Variants in GPR137B observed in about 807,000 individuals in gnomAD.
GPR137B encodes the protein integral membrane protein GPR137B.
GPR137B carries 42 observed loss-of-function variants against 42.5 expected under a neutral mutation model. The ratio of observed to expected loss-of-function variants is 0.99; its 90% CI spans 0.77 to 1.28. The LOEUF (loss-of-function observed/expected upper bound fraction) is 1.28, where lower values mean the gene tolerates loss of function less well. Ranked by LOEUF, GPR137B falls within the 50% of genes most tolerant of loss-of-function variation. GPR137B has a pLI of 0.00. For missense variants in GPR137B, 487 were observed against 493.9 expected (o/e 0.99, Z 0.13); for synonymous variants, 218 against 209.7 (o/e 1.04, Z -0.34).
intron 5 of GPR137B, among the ~76,000 whole-genome samples, chr1:236,192,259 G>C (rs1663209303): frequency 6.6e-6 from 1 of 152,094 alleles, no homozygotes; most frequent in Non-Finnish European, 1.5e-5. Context: ...AGTTTGCTGG[G>C]CTCCGTTGGG....
intron 5 of GPR137B, among the ~76,000 whole-genome samples, chr1:236,191,138 T>G: frequency 6.6e-6 from 1 of 152,122 alleles, no homozygotes; most frequent in East Asian, 1.9e-4. Context: ...ATTTGGCTCT[T>G]GATACTTGTG....
chr1:236,181,336 AT>A (rs60201223), intron 4 of GPR137B, among the ~76,000 whole-genome samples: 2,019 of 147,130 alleles, frequency 0.014, 43 homozygotes, highest in African/African-American at 0.043. Context: ...GACAAACAGC[AT>A]TTTTTTTTTT....
At chr1:236,149,310 C>A (rs1661770581) in intron 1 of GPR137B, among the ~76,000 whole-genome samples, 1 of 152,278 alleles carries the variant, frequency 6.6e-6, no homozygotes, top group South Asian at 2.1e-4. Context: ...CCAGCCCCTC[C>A]TTTGCAGATG....
In GPR137B at chr1:236,155,099, T is replaced by G. The variant is rs1661980992; in HGVS notation, c.414+12063T>G. On this transcript the variant is annotated intron_variant, in intron 1 of 6. Coordinates refer to ENST00000366592, the MANE Select transcript of GPR137B (RefSeq NM_003272.4). This position sits in a 1 kb window ranked among gnomAD's most constrained non-coding sequence, Gnocchi z 4.6. The stretch of plus-strand genomic sequence containing the variant: ...GCCAGGGAGGCAGGTCAGAATTATT[T>G]GCCTCCACCTCTGTGCGGAACTGAT... Among the ~76,000 whole-genome samples the G allele has an allele frequency of 2.0e-5, 3 of 152,020 alleles. No homozygotes were observed. The highest frequency in any genetic ancestry group is 6.5e-5 in the Admixed American group (1 of 15,284).
chr1:236,163,849 G>A (rs1373489915), intron 1 of GPR137B, among the ~76,000 whole-genome samples: 1 of 151,848 alleles, frequency 6.6e-6, no homozygotes, highest in Non-Finnish European at 1.5e-5. Flanking sequence ...TACCTCCCAT[G>A]CCTCCACACT....
chr1:236,170,697 C>G (rs368577090), intron 2 of GPR137B, among the ~76,000 whole-genome samples: 1 of 151,980 alleles, frequency 6.6e-6, no homozygotes, highest in African/African-American at 2.4e-5. Context: ...ATATACAGGC[C>G]GGGCACGGTG....
intron 2 of GPR137B, among the ~76,000 whole-genome samples, chr1:236,169,990 A>AG (rs568468120): frequency 1.5e-3 from 221 of 150,254 alleles, no homozygotes; most frequent in African/African-American, 5.2e-3. Flanking sequence ...CAGTAAGCCA[A>AG]GATTGCACCA....
rs922034053 is a variant in GPR137B, at chr1:236,149,655, G to A, written c.414+6619G>A. Reference sequence around the variant, plus strand: ...TAGTCTAGGAGTTGTGAAGAGGGAAGCTTCTAGGCCTTTTGGTGATTGTAA... The same window carrying A: ...TAGTCTAGGAGTTGTGAAGAGGGAAACTTCTAGGCCTTTTGGTGATTGTAA... On this transcript the variant is annotated intron_variant, in intron 1 of 6. Coordinates refer to ENST00000366592, the MANE Select transcript of GPR137B (RefSeq NM_003272.4). Among the ~76,000 whole-genome samples, 2 of 152,238 alleles carry A rather than the reference G, an allele frequency of 1.3e-5. 1 individual carries two copies.
At chr1:236,152,539 T>G (rs1318610951) in intron 1 of GPR137B, among the ~76,000 whole-genome samples, 1 of 151,640 alleles carries the variant, frequency 6.6e-6, no homozygotes, top group Admixed American at 6.6e-5. Context: ...GGGTGGATCA[T>G]CTGAGGTCAG....
Position 236,163,349 on chromosome 1 carries a change from T to C in GPR137B, c.415-5357T>C, listed in dbSNP as rs185094174. ...CAGAAGGGACTTGCCTTATCACAGA[T>C]GAAACTTTGGACTGTGGACTTTTGG... On this transcript the variant is annotated intron_variant, in intron 1 of 6. Transcript: ENST00000366592. 4.7e-3 allele frequency among the ~76,000 whole-genome samples: 715 copies of C among 152,312 alleles called. 6 individuals are homozygous for C. Among genetic ancestry groups the C allele is most frequent in the African/African-American group, 0.016 (646 of 41,570 alleles).
At chr1:236,169,617 A>G (rs1368718683) in intron 2 of GPR137B, among the ~76,000 whole-genome samples, 8 of 152,258 alleles carry the variant, frequency 5.3e-5, no homozygotes, top group South Asian at 2.1e-4. Flanking sequence ...GCCAGAGTGT[A>G]ATCTGGAAGG....
chr1:236,163,930 A>G (rs1662270784), intron 1 of GPR137B, among the ~76,000 whole-genome samples: 1 of 148,946 alleles, frequency 6.7e-6, no homozygotes, highest in Admixed American at 6.7e-5. Context: ...CACACTTTTC[A>G]CATCTCCTCC....
chr1:236,168,607 G>A (rs183971090), intron 1 of GPR137B, 99 bp from the exon 2 acceptor site: 15 of 879,160 alleles, frequency 1.7e-5, no homozygotes, highest in South Asian at 4.0e-5. Flanking sequence ...CGTGCCCAGC[G>A]CTGGGGGATG....
intron 1 of GPR137B, among the ~76,000 whole-genome samples, chr1:236,163,001 A>G (rs974655808): frequency 2.6e-5 from 4 of 152,156 alleles, no homozygotes; most frequent in African/African-American, 9.7e-5. Context: ...CTCCTGGAAA[A>G]GCCACAGACA....
At chr1:236,157,071 A>G (rs990000183) in intron 1 of GPR137B, among the ~76,000 whole-genome samples, 2 of 152,130 alleles carry the variant, frequency 1.3e-5, no homozygotes, top group Non-Finnish European at 2.9e-5. Flanking sequence ...AATTCACCAA[A>G]TGCTTAGGAA....
Position 236,142,977 on chromosome 1 carries a change from T to A in GPR137B, c.355T>A (p.Cys119Ser). ...CCCCTTCGTCTTCTGGCTGCTCTACTGCTTCCCTGTGTGCCTGCAGTTTTT... is the reference window on the plus strand; with the variant it reads ...CCCCTTCGTCTTCTGGCTGCTCTACAGCTTCCCTGTGTGCCTGCAGTTTTT... Reference protein sequence around the residue: ...LSPFVFWLLYCFPVCLQFFTL... With the variant: ...LSPFVFWLLYSFPVCLQFFTL... Residue 119 changes from cysteine to serine, a missense_variant, in exon 1 of 7, where the codon TGC (cysteine) becomes AGC (serine). Coordinates refer to ENST00000366592, the MANE Select transcript of GPR137B (RefSeq NM_003272.4). The A allele has an allele frequency of 6.2e-7, 1 of 1,614,092 alleles. No homozygotes were observed. The highest frequency in any genetic ancestry group is 2.2e-5 in the East Asian group (1 of 44,876).
intron 2 of GPR137B, among the ~76,000 whole-genome samples, chr1:236,172,105 G>A (rs1354839930): frequency 6.6e-6 from 1 of 152,056 alleles, no homozygotes; most frequent in Non-Finnish European, 1.5e-5. Flanking sequence ...GAAACAGGAG[G>A]GTGAGGTTTC....
At chr1:236,176,596 C>T (rs924927994) in intron 2 of GPR137B, among the ~76,000 whole-genome samples, 5 of 152,166 alleles carry the variant, frequency 3.3e-5, no homozygotes, top group Non-Finnish European at 5.9e-5. Flanking sequence ...GTCCTTTCCG[C>T]CTCCCCAGAA....
intron 2 of GPR137B, among the ~76,000 whole-genome samples, chr1:236,177,587 C>T (rs182783536): frequency 0.013 from 1,969 of 151,978 alleles, 21 homozygotes; most frequent in Non-Finnish European, 0.021. Flanking sequence ...ACTTGAGCCT[C>T]GCTCTGTGCC....
Sources: allele counts gnomAD v4.1 joint callset (sites outside exome capture counted in the v4.1 genomes callset), GRCh38; gene constraint gnomAD v4.1.1; non-coding constraint Gnocchi (gnomAD v3.1); transcripts MANE v1.5; gene names NCBI Gene and HGNC (gene_info 2026-07-23, HGNC 2026-07-21).